PBX3: variants seen among roughly 807,000 people sequenced by gnomAD.
The protein encoded by PBX3 is PBX homeobox 3, also known as pre-B-cell leukemia transcription factor 3.
A neutral mutation model predicts 48.5 loss-of-function variants in PBX3; 14 were observed. That is an observed-to-expected ratio of 0.29 (90% CI 0.19 to 0.45). The LOEUF (loss-of-function observed/expected upper bound fraction) is 0.45. Among genes scored for constraint, PBX3 ranks in the 20% least tolerant of loss-of-function variants. PBX3 has a pLI of 1.00. For missense variants in PBX3, 386 were observed against 546.7 expected, an observed-to-expected ratio of 0.71 and a Z score of 2.93; for synonymous variants, 210 against 200.3, an observed-to-expected ratio of 1.05 and a Z score of -0.41.
At chr9:125,817,813 T>G (rs1227507907) in intron 2 of PBX3, among the ~76,000 whole-genome samples, 1 of 152,212 alleles carries the variant, frequency 6.6e-6, no homozygotes, top group Non-Finnish European at 1.5e-5. Flanking sequence ...TGTTAGATTT[T>G]TAAAAAATTG....
Position 125,811,377 on chromosome 9 carries a change from A to G in PBX3, c.274+62754A>G, listed in dbSNP as rs1363067247. ...CCCAAATCTCACCTTGAATTGTAAT[A>G]ATCTCCATGTGTCAAGGGCAGGACC... On this transcript the variant is annotated intron_variant, in intron 2 of 8. Coordinates refer to ENST00000373489, the MANE Select transcript of PBX3 (RefSeq NM_006195.6). 1.3e-5 allele frequency among the ~76,000 whole-genome samples: 2 copies of G among 152,136 alleles called. 1 individual carries two copies.
chr9:125,961,840 T>A (rs970021476), intron 6 of PBX3, among the ~76,000 whole-genome samples: 1 of 152,222 alleles, frequency 6.6e-6, no homozygotes, highest in Non-Finnish European at 1.5e-5. Flanking sequence ...TTTTTCTTTT[T>A]AATTTATTTT....
chr9:125,869,507 A>T (rs1840065835), intron 2 of PBX3, among the ~76,000 whole-genome samples: 1 of 152,210 alleles, frequency 6.6e-6, no homozygotes, highest in Admixed American at 6.5e-5. Flanking sequence ...TTAAAGAAAA[A>T]ACATTCTCTA....
chr9:125,929,596 A>G (rs1217458469), intron 3 of PBX3, 59 bp from the exon 4 acceptor site: 1 of 1,201,266 alleles, frequency 8.3e-7, no homozygotes, highest in East Asian at 2.3e-5. Flanking sequence ...CAGATGAGTG[A>G]ATGTCTTCGT....
chr9:125,822,858 G>T (rs1240291202), intron 2 of PBX3, among the ~76,000 whole-genome samples: 1 of 151,740 alleles, frequency 6.6e-6, no homozygotes, highest in East Asian at 1.9e-4. Flanking sequence ...CCTTAATTCA[G>T]TACTTCATAC....
chr9:125,772,702 G>A (rs981243684), intron 2 of PBX3, among the ~76,000 whole-genome samples: 4 of 152,208 alleles, frequency 2.6e-5, no homozygotes, highest in East Asian at 1.9e-4. Context: ...AATGTGATAC[G>A]TGGTATGTAA....
intron 2 of PBX3, among the ~76,000 whole-genome samples, chr9:125,791,796 C>T (rs1313527207): frequency 4.6e-5 from 7 of 151,612 alleles, no homozygotes; most frequent in East Asian, 1.9e-4. Context: ...ATTAGCCGGG[C>T]GTGGTGGCAG....
At chr9:125,828,774 A>C (rs1274378868) in intron 2 of PBX3, among the ~76,000 whole-genome samples, 4 of 152,244 alleles carry the variant, frequency 2.6e-5, no homozygotes, top group African/African-American at 9.6e-5. Context: ...GAAAATCAAA[A>C]GGAACGTTGA....
intron 2 of PBX3, among the ~76,000 whole-genome samples, chr9:125,817,759 A>G (rs1218374628): frequency 1.3e-5 from 2 of 152,240 alleles, no homozygotes; most frequent in Non-Finnish European, 2.9e-5. Context: ...CAAATCGAAA[A>G]AATACCATCT....
chr9:125,848,728 C>T (rs573804391), intron 2 of PBX3, among the ~76,000 whole-genome samples: 19 of 152,014 alleles, frequency 1.2e-4, no homozygotes, highest in South Asian at 1.0e-3. Flanking sequence ...TTGTTCTAGA[C>T]GGTAGAGATA....
At chr9:125,836,512 A>C (rs1158195035) in intron 2 of PBX3, among the ~76,000 whole-genome samples, 2 of 152,152 alleles carry the variant, frequency 1.3e-5, no homozygotes, top group Non-Finnish European at 2.9e-5. Context: ...AAGCGTAGGT[A>C]GTCAGGGAAG....
intron 2 of PBX3, among the ~76,000 whole-genome samples, chr9:125,869,199 G>A (rs112948666): frequency 0.026 from 3,958 of 152,072 alleles, 67 homozygotes; most frequent in Middle Eastern, 0.051. Flanking sequence ...GAGAATTAGC[G>A]GACAATGGAT....
chr9:125,893,964 AT>A (rs1564160420), intron 2 of PBX3, among the ~76,000 whole-genome samples: 1 of 152,036 alleles, frequency 6.6e-6, no homozygotes, highest in African/African-American at 2.4e-5. Context: ...AACTCCTCAG[AT>A]TAAAAAAAAA....
chr9:125,885,414 T>C (rs1840474870), intron 2 of PBX3, among the ~76,000 whole-genome samples: 1 of 152,208 alleles, frequency 6.6e-6, no homozygotes. Context: ...AAGTTATATG[T>C]ACATATATAG....
intron 2 of PBX3, among the ~76,000 whole-genome samples, chr9:125,837,370 A>G (rs1298611919): frequency 1.3e-5 from 2 of 150,272 alleles, no homozygotes; most frequent in African/African-American, 4.9e-5. Flanking sequence ...TTACACAAAT[A>G]TGTATACATG....
intron 2 of PBX3, among the ~76,000 whole-genome samples, chr9:125,833,062 G>A (rs940964814): frequency 2.6e-5 from 4 of 152,162 alleles, no homozygotes; most frequent in African/African-American, 9.7e-5. Context: ...ATGCAACTTG[G>A]TTTAAGGAAA....
intron 2 of PBX3, chr9:125,843,868 G>T: frequency 4.4e-6 from 2 of 455,142 alleles, no homozygotes; most frequent in South Asian, 3.1e-5. Context: ...GCTTAATGGG[G>T]TCATTTGGAA....
At chr9:125,896,688 ACTCATTAAC>A (rs1336997338) in intron 2 of PBX3, among the ~76,000 whole-genome samples, 5 of 152,010 alleles carry the variant, frequency 3.3e-5, no homozygotes, top group Admixed American at 3.3e-4. Flanking sequence ...GAGCCATCAC[ACTCATTAAC>A]CTGCAAGCTA....
intron 8 of PBX3, among the ~76,000 whole-genome samples, chr9:125,964,637 G>T (rs1842494347): frequency 6.6e-6 from 1 of 152,026 alleles, no homozygotes. Context: ...GGTCATAGAG[G>T]TAGAAAAGGT....
Sources: allele counts gnomAD v4.1 joint callset (sites outside exome capture counted in the v4.1 genomes callset), GRCh38; gene constraint gnomAD v4.1.1; transcripts MANE v1.5; gene names NCBI Gene and HGNC (gene_info 2026-07-23, HGNC 2026-07-21).